Variants in ZNF280D observed in about 807,000 individuals in gnomAD.
ZNF280D encodes the protein zinc finger protein 280D.
ZNF280D carries 39 observed loss-of-function variants against 94.7 expected under a neutral mutation model. The ratio of observed to expected loss-of-function variants is 0.41; its 90% CI spans 0.32 to 0.54. ZNF280D has a LOEUF of 0.54. Among genes scored for constraint, ZNF280D ranks in the 20% least tolerant of loss-of-function variants. The probability of loss-of-function intolerance (pLI) is 0.22; values close to 1 mark genes in which losing one functional copy is unlikely to be tolerated. For missense variants in ZNF280D, 1,090 were observed against 1,149.3 expected, an observed-to-expected ratio of 0.95 and a Z score of 0.75; for synonymous variants, 398 against 377.6, an observed-to-expected ratio of 1.05 and a Z score of -0.63.
At chr15:56,710,883 C>T (rs945481557) in intron 1 of ZNF280D, among the ~76,000 whole-genome samples, 13 of 152,138 alleles carry the variant, frequency 8.5e-5, no homozygotes, top group Non-Finnish European at 1.0e-4. Context: ...TAAGCAATTT[C>T]ACAAACTACA....
chr15:56,640,504 C>T (rs1241324683), intron 20 of ZNF280D, among the ~76,000 whole-genome samples: 5 of 152,100 alleles, frequency 3.3e-5, no homozygotes, highest in Admixed American at 1.3e-4. Flanking sequence ...GAGAATTAAA[C>T]TCACATTAGC....
intron 19 of ZNF280D, among the ~76,000 whole-genome samples, chr15:56,644,249 T>C (rs1566930619): frequency 6.6e-6 from 1 of 152,020 alleles, no homozygotes; most frequent in Admixed American, 6.6e-5. Context: ...ATGTCAATCA[T>C]TTTGGGGGTT....
At chr15:56,733,406 A>T (rs2059004268) in intron 1 of ZNF280D, 52 bp downstream of exon 1, 1 of 970,764 alleles carries the variant, frequency 1.0e-6, no homozygotes, top group Non-Finnish European at 1.2e-6. Flanking sequence ...GCCGCGCGGG[A>T]GGGCCTCTGC....
intron 19 of ZNF280D, chr15:56,652,402 G>T: frequency 5.6e-6 from 1 of 177,112 alleles, no homozygotes; most frequent in Non-Finnish European, 1.1e-5. Context: ...AAGTAACAAG[G>T]CTTCCATATA....
intron 1 of ZNF280D, among the ~76,000 whole-genome samples, chr15:56,729,237 C>A (rs1366745488): frequency 1.3e-5 from 2 of 152,176 alleles, no homozygotes; most frequent in Non-Finnish European, 2.9e-5. Context: ...AGAAAAATTT[C>A]AAAATTCTGT....
At chr15:56,700,777 G>A in intron 6 of ZNF280D, 156 bp downstream of exon 6, 6 of 1,526,684 alleles carry the variant, frequency 3.9e-6, no homozygotes, top group Non-Finnish European at 5.3e-6. Flanking sequence ...GGTACTGCTT[G>A]AGCTAGCGAA....
intron 1 of ZNF280D, chr15:56,730,465 C>T (rs2058831304): frequency 6.6e-6 from 1 of 152,096 alleles, no homozygotes; most frequent in Non-Finnish European, 1.5e-5. Context: ...TTTCAGTGAG[C>T]CAATGCTGAT....
intron 4 of ZNF280D, among the ~76,000 whole-genome samples, chr15:56,702,965 G>A (rs145233483): frequency 0.038 from 5,458 of 144,644 alleles, 342 homozygotes; most frequent in Admixed American, 0.17. Context: ...ACACACGCTG[G>A]TAAACTGGGT....
At chr15:56,716,194 T>C (rs1409877099) in intron 1 of ZNF280D, among the ~76,000 whole-genome samples, 2 of 152,046 alleles carry the variant, frequency 1.3e-5, no homozygotes, top group African/African-American at 2.4e-5. Flanking sequence ...CAAAAATTAA[T>C]ACATACTTAC....
intron 21 of ZNF280D, among the ~76,000 whole-genome samples, chr15:56,632,765 A>G (rs1217828108): frequency 1.3e-5 from 2 of 152,094 alleles, no homozygotes; most frequent in Non-Finnish European, 2.9e-5. Flanking sequence ...CTGGGATTAC[A>G]GGTATGAGCC....
chr15:56,665,740 G>A (rs1223791532), intron 16 of ZNF280D, among the ~76,000 whole-genome samples: 1 of 142,058 alleles, frequency 7.0e-6, no homozygotes, highest in Non-Finnish European at 1.5e-5. Context: ...ACGCTCATGA[G>A]ATTACAAGTA....
chr15:56,700,785 G>C (rs1270078732), intron 6 of ZNF280D, 148 bp downstream of exon 6: 1 of 1,537,410 alleles, frequency 6.5e-7, no homozygotes, highest in African/African-American at 1.4e-5. Flanking sequence ...TTGAGCTAGC[G>C]AAAATATGGT....
At chr15:56,695,148 C>A (rs2056670778) in intron 6 of ZNF280D, among the ~76,000 whole-genome samples, 1 of 152,084 alleles carries the variant, frequency 6.6e-6, no homozygotes. Flanking sequence ...TCTCCGCTCA[C>A]TGCAACCTCT....
chr15:56,716,645 A>AT lies in ZNF280D; in HGVS notation c.-85-9340dup, dbSNP rs760079881. 3.9e-5 allele frequency among the ~76,000 whole-genome samples: 6 copies of AT among 152,234 alleles called. No homozygotes were observed. In the East Asian group the frequency reaches 5.8e-4, roughly 15 times the overall value. ...AAGAACAATGAAAAACCACTGAGGG[A>AT]TTTTAAGTGGGGACTGATGTCAGAT... On this transcript the variant is annotated intron_variant, in intron 1 of 21. Coordinates refer to ENST00000267807, the MANE Select transcript of ZNF280D (RefSeq NM_017661.4).
At chr15:56,658,576 A>T (rs1285169429) in intron 16 of ZNF280D, 90 bp from the exon 17 acceptor site, 2 of 861,630 alleles carry the variant, frequency 2.3e-6, no homozygotes, top group Non-Finnish European at 3.5e-6. Context: ...TTAAGTTTCT[A>T]GTTTGTAATA....
At chr15:56,732,493 C>T (rs1480051587) in intron 1 of ZNF280D, 6 of 152,170 alleles carry the variant, frequency 3.9e-5, no homozygotes, top group African/African-American at 1.4e-4. Flanking sequence ...TAAGAGGCAG[C>T]TTTTGTGCTT....
intron 4 of ZNF280D, among the ~76,000 whole-genome samples, chr15:56,701,644 T>C (rs1350749012): frequency 3.9e-5 from 6 of 152,136 alleles, no homozygotes; most frequent in African/African-American, 1.4e-4. Context: ...GGCTGTTACA[T>C]ACAGTCAGGT....
Position 56,677,615 on chromosome 15 carries a change from T to C in ZNF280D, c.1222A>G (p.Lys408Glu). 1 of 1,610,386 alleles carries C rather than the reference T, an allele frequency of 6.2e-7. No individual in the cohort carries two copies. Among genetic ancestry groups the C allele is most frequent in the Admixed American group, 1.7e-5 (1 of 59,676 alleles). The change falls in exon 12 of 22, where the codon AAG becomes GAG. Residue 408 changes from lysine to glutamate, a missense_variant. By Grantham distance (56) the Lys-to-Glu change is moderately conservative. Around this residue, in one of 3 missense-constraint regions of ZNF280D, gnomAD observed 127 missense variants for 208.6 expected, o/e 0.61. Transcript: ENST00000267807. ...ATTTCACCAGGTTTATGATTGTCCT[T>C]CATATGTTGTAAAAGAACATGTTCT... ...ETEHVLLQHM[K>E]DNHKPGEMPY...
chr15:56,690,454 G>GT (rs2056360713), intron 7 of ZNF280D, among the ~76,000 whole-genome samples: 2 of 152,168 alleles, frequency 1.3e-5, no homozygotes, highest in South Asian at 4.1e-4. Flanking sequence ...AATGGAAGTA[G>GT]TAAGTATAAT....
Sources: gnomAD v4.1 joint callset for allele counts (sites outside exome capture counted in the v4.1 genomes callset) on GRCh38, gnomAD v4.1.1 for gene constraint, gnomAD v4.1.1 regional missense constraint, MANE v1.5 for transcripts, NCBI Gene and HGNC (gene_info 2026-07-23, HGNC 2026-07-21) for gene names.